The following MPV17L variants were observed in gnomAD, a reference collection of about 807,000 sequenced individuals.
MPV17L encodes MPV17 mitochondrial inner membrane protein like, also known as mpv17-like protein.
In MPV17L, 24 loss-of-function variants were observed where a neutral mutation model predicts 25.8. That is an observed-to-expected ratio of 0.93 (90% CI 0.67 to 1.31). The LOEUF is 1.31. Among genes scored for constraint, MPV17L ranks in the 50% most tolerant of loss-of-function variants. The probability of loss-of-function intolerance (pLI) is 0.00; values close to 1 mark genes in which losing one functional copy is unlikely to be tolerated. For synonymous variants in MPV17L, 102 were observed against 115.3 expected, an observed-to-expected ratio of 0.88 and a Z score of 0.74; for missense variants, 250 against 265.6, an observed-to-expected ratio of 0.94 and a Z score of 0.41.
At chr16:15,403,124 CTT>C (rs2050651514) in intron 2 of MPV17L, among the ~76,000 whole-genome samples, 1 of 150,040 alleles carries the variant, frequency 6.7e-6, no homozygotes, top group Non-Finnish European at 1.5e-5. Context: ...GATCCCAACA[CTT>C]TGGGAGGTGG....
At chr16:15,402,973 A>T (rs374556432) in intron 2 of MPV17L, among the ~76,000 whole-genome samples, 1 of 151,456 alleles carries the variant, frequency 6.6e-6, no homozygotes, top group Non-Finnish European at 1.5e-5. Context: ...GAATCACCAT[A>T]CCCAGCCACT....
Position 15,396,248 on chromosome 16 carries a change from T to C in MPV17L, c.310+41T>C, listed in dbSNP as rs551759600. 1.1e-4 allele frequency: 168 copies of C among 1,536,522 alleles called. 1 individual carries two copies. The South Asian group carries it at 1.8e-3, about 17-fold the overall frequency. Reference sequence around the variant, plus strand: ...GGGACCTGGGGGGTGGGACCCAGTATTGGGGGACTGGAGGCTGGGACTCGG... The same window carrying C: ...GGGACCTGGGGGGTGGGACCCAGTACTGGGGGACTGGAGGCTGGGACTCGG... On this transcript the variant is annotated intron_variant, in intron 1 of 3. Transcript: ENST00000396385.
chr16:15,407,940 A>G lies in MPV17L; in HGVS notation c.419A>G (p.Asn140Ser). 1.2e-6 allele frequency: 2 copies of G among 1,613,796 alleles called. No homozygotes were observed. The highest frequency in any genetic ancestry group is 1.7e-6 in the Non-Finnish European group (2 of 1,180,022). Residue 140 changes from asparagine to serine, a missense_variant, in exon 4 of 4, where the codon AAC becomes AGC. Physicochemically the swap from Asn to Ser is conservative, Grantham distance 46. Transcript: ENST00000396385. ...LMYWPFVQLT[N>S]FSLVPVQWRT... Reference sequence around the variant, plus strand: ...ACTCTCTCTCTGTTCCAGCTGACCAACTTCAGCCTTGTTCCTGTTCAATGG... The same window carrying G: ...ACTCTCTCTCTGTTCCAGCTGACCAGCTTCAGCCTTGTTCCTGTTCAATGG...
intron 1 of MPV17L, among the ~76,000 whole-genome samples, chr16:15,398,844 T>G (rs145341120): frequency 1.3e-3 from 192 of 152,174 alleles, no homozygotes; most frequent in African/African-American, 4.5e-3. Context: ...CTTGCCCACC[T>G]CGGTCTCCCA....
In MPV17L at chr16:15,408,367, T is replaced by G; in HGVS notation, c.*255T>G. On this transcript the variant is annotated 3_prime_UTR_variant, in exon 4 of 4. Transcript: ENST00000396385. The stretch of plus-strand genomic sequence containing the variant: ...ATAGTGGCAAAATGGCATTTTAGAA[T>G]TATTAATATTTCTAATATTTTAACA... The G allele has an allele frequency of 3.0e-6, 1 of 333,678 alleles. No individual in the cohort carries two copies. The highest frequency in any genetic ancestry group is 5.4e-6 in the Non-Finnish European group (1 of 185,016). The allele number at this position is 333,678 out of a possible 1,614,324, so 20.7% of individuals were successfully genotyped here.
Position 15,408,314 on chromosome 16 carries a change from T to C in MPV17L, c.*202T>C. On this transcript the variant is annotated 3_prime_UTR_variant, in exon 4 of 4. Transcript: ENST00000396385. ...TTCCTGTTCTAGTCTGAAATATTACTTCTCTAATATTTTGGTTAATATGAA... is the reference window on the plus strand; with the variant it reads ...TTCCTGTTCTAGTCTGAAATATTACCTCTCTAATATTTTGGTTAATATGAA... 4.3e-6 allele frequency: 2 copies of C among 470,140 alleles called. No individual in the cohort carries two copies. Among genetic ancestry groups the C allele is most frequent in the South Asian group, 1.1e-4 (2 of 18,460 alleles). The allele number at this position is 470,140 out of a possible 1,614,324, so 29.1% of individuals were successfully genotyped here. A position where few individuals can be genotyped will look rare whatever the true frequency, so the allele number is the denominator to read the frequency against.
At chr16:15,403,964 G>A (rs2050660351) in intron 2 of MPV17L, among the ~76,000 whole-genome samples, 1 of 151,538 alleles carries the variant, frequency 6.6e-6, no homozygotes, top group Admixed American at 6.6e-5. Flanking sequence ...TCAAGGGATC[G>A]AGCCCATCCT....
intron 2 of MPV17L, among the ~76,000 whole-genome samples, chr16:15,406,899 C>G (rs2050685415): frequency 6.6e-6 from 1 of 151,968 alleles, no homozygotes; most frequent in African/African-American, 2.4e-5. Flanking sequence ...GCACTCCAGA[C>G]TAAGCGACAG....
At chr16:15,401,086 ATTTTTTTTTT>A (rs1242552489) in intron 2 of MPV17L, among the ~76,000 whole-genome samples, 1 of 19,862 alleles carries the variant, frequency 5.0e-5, no homozygotes, top group African/African-American at 1.7e-4. Flanking sequence ...ATATATATAT[ATTTTTTTTTT>A]TTTTTTTTTT....
chr16:15,400,524 T>A (rs1417453817), intron 1 of MPV17L, among the ~76,000 whole-genome samples: 1 of 151,906 alleles, frequency 6.6e-6, no homozygotes. Context: ...AATTTTTGTA[T>A]TTTTTGTAGA....
chr16:15,400,760 A>T (rs1376241387), intron 1 of MPV17L, 27 bp from the exon 2 acceptor site: 3 of 1,543,834 alleles, frequency 1.9e-6, no homozygotes, highest in Non-Finnish European at 2.6e-6. Flanking sequence ...TGAATCTTTT[A>T]AAATTTTTTT....
At position 15,408,237 on chromosome 16, in the gene MPV17L, C is replaced by G; in HGVS notation, c.*125C>G. 3.0e-6 allele frequency: 2 copies of G among 663,356 alleles called. No homozygotes were observed. The highest frequency in any genetic ancestry group is 2.5e-6 in the Non-Finnish European group (1 of 405,544). 41.1% of individuals were successfully genotyped at this position (663,356 alleles called of 1,614,324 possible). ...TGAGGAATTACTACTATTTATAGACCCACTTTTTAAAAAATTATCAATGAT... is the reference window on the plus strand; with the variant it reads ...TGAGGAATTACTACTATTTATAGACGCACTTTTTAAAAAATTATCAATGAT... On this transcript the variant is annotated 3_prime_UTR_variant, in exon 4 of 4. Coordinates refer to ENST00000396385, the MANE Select transcript of MPV17L (RefSeq NM_001128423.2).
At position 15,407,625 on chromosome 16, in the gene MPV17L, G is replaced by A. The variant is rs1244122859; in HGVS notation, c.382-199G>A. Among the ~76,000 whole-genome samples, 3 of 152,042 alleles carry A rather than the reference G, an allele frequency of 2.0e-5. 1 individual carries two copies. Among genetic ancestry groups the A allele is most frequent in the South Asian group, 4.1e-4 (2 of 4,826 alleles). On this transcript the variant is annotated intron_variant, in intron 2 of 3. Coordinates refer to ENST00000396385, the MANE Select transcript of MPV17L (RefSeq NM_001128423.2). ...GGTGAGGTGGTGTGTGCCTGTAATC[G>A]CAGATACTCAGGAGGCAGAGACACG...
chr16:15,408,486 C>T lies in MPV17L; in HGVS notation c.*374C>T, dbSNP rs1467202064. On this transcript the variant is annotated 3_prime_UTR_variant, in exon 4 of 4. Coordinates refer to ENST00000396385, the MANE Select transcript of MPV17L (RefSeq NM_001128423.2). ...ACTTTTGGGCAGATGAAGTTTTATA[C>T]CAAAAAATAGTTCTTAGAGTGAATT... 2.4e-5 allele frequency: 4 copies of T among 164,900 alleles called. No individual in the cohort carries two copies. The highest frequency in any genetic ancestry group is 9.6e-5 in the African/African-American group (4 of 41,730). 10.2% of individuals were successfully genotyped at this position (164,900 alleles called of 1,614,324 possible). A position where few individuals can be genotyped will look rare whatever the true frequency, so the allele number is the denominator to read the frequency against.
At chr16:15,399,759 T>A (rs2050617869) in intron 1 of MPV17L, among the ~76,000 whole-genome samples, 1 of 152,146 alleles carries the variant, frequency 6.6e-6, no homozygotes, top group Non-Finnish European at 1.5e-5. Flanking sequence ...CTGGCCTTTT[T>A]TTATTTTTAT....
chr16:15,401,080 ATATATATTTTTT>A (rs1220986274), intron 2 of MPV17L, among the ~76,000 whole-genome samples: 2 of 33,094 alleles, frequency 6.0e-5, no homozygotes, highest in African/African-American at 1.6e-4. Flanking sequence ...ATATATATAT[ATATATATTTTTT>A]TTTTTTTTTT....
Position 15,395,945 on chromosome 16 carries a change from G to A in MPV17L, c.48G>A (p.Pro16=). 1.3e-6 allele frequency: 2 copies of A among 1,487,948 alleles called. No homozygotes were observed. Among genetic ancestry groups the A allele is most frequent in the Non-Finnish European group, 1.8e-6 (2 of 1,127,926 alleles). The allele number at this position is 1,487,948 out of a possible 1,614,324, so 92.2% of individuals were successfully genotyped here. A position where few individuals can be genotyped will look rare whatever the true frequency, so the allele number is the denominator to read the frequency against. Reference sequence around the variant, plus strand: ...TGTCGCGCGCGGCCCGGCGCCACCCGTGGCCCACCAACGTGCTGCTTTACG... The same window carrying A: ...TGTCGCGCGCGGCCCGGCGCCACCCATGGCCCACCAACGTGCTGCTTTACG... ...PALSRAARRH[P]WPTNVLLYGS... is the part of the protein sequence containing the mutation. Residue 16 remains proline, a synonymous_variant, in exon 1 of 4, where the codon CCG becomes CCA. Coordinates refer to ENST00000396385, the MANE Select transcript of MPV17L (RefSeq NM_001128423.2).
chr16:15,396,455 A>C (rs904546543), intron 1 of MPV17L, among the ~76,000 whole-genome samples: 2 of 152,154 alleles, frequency 1.3e-5, no homozygotes, highest in Admixed American at 1.3e-4. Context: ...GGGGAGCCAG[A>C]GGTCCACCAG....
In MPV17L at chr16:15,408,134, G is replaced by A. The variant is rs1198825048; in HGVS notation, c.*22G>A. On this transcript the variant is annotated 3_prime_UTR_variant, in exon 4 of 4. Coordinates refer to ENST00000396385, the MANE Select transcript of MPV17L (RefSeq NM_001128423.2). Reference sequence around the variant, plus strand: ...ATGAGAAGTCAAGGACTCTCTTAAAGGGACCACATTTTTTACCTAAAATGC... The same window carrying A: ...ATGAGAAGTCAAGGACTCTCTTAAAAGGACCACATTTTTTACCTAAAATGC... 1 of 1,542,406 alleles carries A rather than the reference G, an allele frequency of 6.5e-7. No homozygotes were observed. The highest frequency in any genetic ancestry group is 1.2e-5 in the South Asian group (1 of 83,686).
Sources: allele counts gnomAD v4.1 joint callset (sites outside exome capture counted in the v4.1 genomes callset), GRCh38; gene constraint gnomAD v4.1.1; transcripts MANE v1.5; gene names NCBI Gene and HGNC (gene_info 2026-07-23, HGNC 2026-07-21).